Variants in AKAP9 observed in about 807,000 individuals in gnomAD.
AKAP9 encodes A-kinase anchor protein 9.
Under a neutral mutation model 488.5 loss-of-function variants are expected in AKAP9, and 311 were observed. The observed-to-expected ratio is 0.64, with a 90% CI of 0.58 to 0.70. The LOEUF is 0.70. Ranked by LOEUF, AKAP9 falls within the 30% of genes least tolerant of loss-of-function variation. The probability of loss-of-function intolerance (pLI) is 0.00; values close to 1 mark genes in which losing one functional copy is unlikely to be tolerated. For missense variants in AKAP9, 4,215 were observed against 4,374.5 expected (o/e 0.96, Z 1.03); for synonymous variants, 1,462 against 1,483.5 (o/e 0.99, Z 0.33).
chr7:91,950,048 T>C (rs1379625235), intron 1 of AKAP9, among the ~76,000 whole-genome samples: 5 of 152,164 alleles, frequency 3.3e-5, no homozygotes, highest in African/African-American at 1.2e-4. Flanking sequence ...AAAGTCCTAA[T>C]CTGTAAAGAT....
Position 91,974,031 on chromosome 7 carries a change from T to G in AKAP9, c.306+63T>G, listed in dbSNP as rs115407770. ...CGATGGAAAGTAGTCATAACAACAG[T>G]CATTAGCAACTGTGCGCAATTTGAT... On this transcript the variant is annotated intron_variant, in intron 2 of 49. Transcript: ENST00000356239. 2,966 of 1,586,862 alleles carry G rather than the reference T, an allele frequency of 1.9e-3. 45 individuals carry two copies. In the African/African-American group the frequency reaches 0.036, roughly 19 times the overall value.
intron 47 of AKAP9, 84 bp from the exon 48 acceptor site, chr7:92,107,209 T>C (rs1374087648): frequency 1.5e-6 from 2 of 1,321,096 alleles, no homozygotes; most frequent in Non-Finnish European, 1.1e-6. Flanking sequence ...TAATAGTCTT[T>C]TGAGCAGTTA....
intron 16 of AKAP9, among the ~76,000 whole-genome samples, chr7:92,032,462 C>T (rs1471876578): frequency 2.0e-5 from 3 of 148,842 alleles, no homozygotes; most frequent in African/African-American, 7.5e-5. Flanking sequence ...CACCATTGTA[C>T]TCCAGCTTGG....
Position 91,992,985 on chromosome 7 carries a change from A to G in AKAP9, c.506A>G (p.His169Arg), listed in dbSNP as rs1562947323. ...MMESELAGKQ[H>R]EIEELNRELE... ...GAAAGTGAGTTGGCTGGGAAGCAGC[A>G]TGAGATTGAAGAGCTAAACAGAGAG... The change falls in exon 5 of 50, where the codon CAT (histidine) becomes CGT (arginine). Residue 169 changes from histidine to arginine, a missense_variant. Around this residue, in one of 5 missense-constraint regions of AKAP9, gnomAD observed 2,361 missense variants for 2,430.0 expected, o/e 0.97. Transcript: ENST00000356239. 4 of 1,614,034 alleles carry G rather than the reference A, an allele frequency of 2.5e-6. No individual in the cohort carries two copies. The highest frequency in any genetic ancestry group is 1.3e-5 in the African/African-American group (1 of 74,938).
Position 92,022,369 on chromosome 7 carries a change from T to A in AKAP9, c.3952+17T>A. 6.7e-7 allele frequency: 1 copy of A among 1,495,208 alleles called. No homozygotes were observed. Among genetic ancestry groups the A allele is most frequent in the South Asian group, 1.1e-5 (1 of 88,594 alleles). 92.6% of individuals were successfully genotyped at this position (1,495,208 alleles called of 1,614,324 possible). ...AAGACATTGGTAAATTTTGATCATA[T>A]ACCACAATGTGGTGTTTTTATAGCA... On this transcript the variant is annotated intron_variant, in intron 13 of 49. Coordinates refer to ENST00000356239, the MANE Select transcript of AKAP9 (RefSeq NM_005751.5).
chr7:92,003,016 A>G lies in AKAP9; in HGVS notation c.3099A>G (p.Gly1033=), dbSNP rs948846648. 9.9e-6 allele frequency: 16 copies of G among 1,613,442 alleles called. No individual in the cohort carries two copies. The highest frequency in any genetic ancestry group is 1.4e-5 in the Non-Finnish European group (16 of 1,179,640). ...VVTMTSRGAE[G]SVSKVNKSFG... ...CCATGACAAGCAGGGGTGCTGAAGGATCAGTTTCTAAAGTAAATAAAAGTT... is the reference window on the plus strand; with the variant it reads ...CCATGACAAGCAGGGGTGCTGAAGGGTCAGTTTCTAAAGTAAATAAAAGTT... Residue 1033 remains glycine, a synonymous_variant, in exon 8 of 50, where the codon GGA becomes GGG. Coordinates refer to ENST00000356239, the MANE Select transcript of AKAP9 (RefSeq NM_005751.5).
intron 17 of AKAP9, among the ~76,000 whole-genome samples, chr7:92,039,261 A>T (rs1805665499): frequency 6.6e-6 from 1 of 152,182 alleles, no homozygotes; most frequent in Non-Finnish European, 1.5e-5. Context: ...GTGACTTAAT[A>T]TTAGTATCAA....
At chr7:92,041,191 G>GT (rs925603775) in intron 18 of AKAP9, 2 of 341,252 alleles carry the variant, frequency 5.9e-6, no homozygotes, top group African/African-American at 2.1e-5. Context: ...ACACGGTTTT[G>GT]TTTTTTTCTT....
At chr7:92,104,995 T>G (rs537950077) in intron 46 of AKAP9, among the ~76,000 whole-genome samples, 2 of 152,174 alleles carry the variant, frequency 1.3e-5, no homozygotes, top group Non-Finnish European at 2.9e-5. Flanking sequence ...GGTGTAGAAG[T>G]TGTTATTGAC....
rs776353922 is a variant in AKAP9, at chr7:92,079,749, A to G, written c.7616A>G (p.Lys2539Arg). Residue 2539 changes from lysine (K) to arginine (R), a missense_variant, in exon 31 of 50, where the codon AAG becomes AGG. By Grantham distance (26) the Lys-to-Arg change is conservative. Coordinates refer to ENST00000356239, the MANE Select transcript of AKAP9 (RefSeq NM_005751.5). The part of the protein sequence containing the change: ...GQFETEMLQK[K>R]IVNLQKIVEE... ...TTTGAAACAGAAATGCTTCAAAAGAAGATTGTAAACCTACAGAAAATAGTT... is the reference window on the plus strand; with the variant it reads ...TTTGAAACAGAAATGCTTCAAAAGAGGATTGTAAACCTACAGAAAATAGTT... 6.2e-7 allele frequency: 1 copy of G among 1,614,152 alleles called. No homozygotes were observed. Among genetic ancestry groups the G allele is most frequent in the Non-Finnish European group, 8.5e-7 (1 of 1,180,014 alleles).
chr7:92,069,944 T>C, intron 26 of AKAP9, 86 bp from the exon 27 acceptor site: 3 of 1,193,194 alleles, frequency 2.5e-6, no homozygotes, highest in South Asian at 2.7e-5. Context: ...GGATTGTAGA[T>C]ATCCAAAATG....
chr7:92,002,443 G>C lies in AKAP9; in HGVS notation c.2526G>C (p.Glu842Asp). The C allele has an allele frequency of 6.2e-7, 1 of 1,608,868 alleles. No homozygotes were observed. Among genetic ancestry groups the C allele is most frequent in the Non-Finnish European group, 8.5e-7 (1 of 1,178,634 alleles). The change falls in exon 8 of 50, where the codon GAG becomes GAC. Residue 842 changes from glutamate (E) to aspartate (D), a missense_variant. Glu to Asp is a conservative substitution (Grantham distance 45). Around this residue, in one of 5 missense-constraint regions of AKAP9, gnomAD observed 2,361 missense variants for 2,430.0 expected, o/e 0.97. Transcript: ENST00000356239. ...AACAATGTATTCAGCTAAATGAAGAGATTGAAAAGCAAAGGAACACTTTTT... is the reference window on the plus strand; with the variant it reads ...AACAATGTATTCAGCTAAATGAAGACATTGAAAAGCAAAGGAACACTTTTT... ...LKQQCIQLNE[E>D]IEKQRNTFSF...
rs758571272 is a variant in AKAP9 at position 91,980,345 on chromosome 7, T to C, written c.351+12T>C. The C allele has an allele frequency of 9.8e-6, 14 of 1,421,380 alleles. No individual in the cohort carries two copies. The highest frequency in any genetic ancestry group is 1.9e-4 in the Middle Eastern group (1 of 5,192). The allele number at this position is 1,421,380 out of a possible 1,614,324, so 88.0% of individuals were successfully genotyped here. A position where few individuals can be genotyped will look rare whatever the true frequency, so the allele number is the denominator to read the frequency against. ...ACTGCAGTTCAGAGGTAAGACTAAA[T>C]TATATTGATTTCTAATATCATAAAT... is the stretch of plus-strand genomic sequence containing the variant. On this transcript the variant is annotated intron_variant, in intron 3 of 49. Coordinates refer to ENST00000356239, the MANE Select transcript of AKAP9 (RefSeq NM_005751.5).
At chr7:92,046,162 G>C (rs1453569897) in intron 21 of AKAP9, among the ~76,000 whole-genome samples, 1 of 152,078 alleles carries the variant, frequency 6.6e-6, no homozygotes, top group South Asian at 2.1e-4. Flanking sequence ...CCATCACATT[G>C]CTGAACTCCA....
rs1806317286 is a variant in AKAP9, at chr7:92,042,708, T to A, written c.5099T>A (p.Phe1700Tyr). ...ENQGEVEEQT[F>Y]KEKELDRKPE... ...CAAGGAGAAGTTGAAGAACAAACAT[T>A]TAAAGAAAAGGAATTAGACAGAAAA... Residue 1700 changes from phenylalanine (F) to tyrosine (Y), a missense_variant, in exon 20 of 50, where the codon TTT (phenylalanine) becomes TAT (tyrosine). Transcript: ENST00000356239. 6.2e-7 allele frequency: 1 copy of A among 1,611,876 alleles called. No individual in the cohort carries two copies. The highest frequency in any genetic ancestry group is 1.3e-5 in the African/African-American group (1 of 74,856).
intron 14 of AKAP9, among the ~76,000 whole-genome samples, chr7:92,028,515 A>C (rs1803696349): frequency 6.6e-6 from 1 of 152,156 alleles, no homozygotes; most frequent in Non-Finnish European, 1.5e-5. Flanking sequence ...AGGAAAGGGC[A>C]GAGAAGAAAG....
At position 92,084,875 on chromosome 7, in the gene AKAP9, A is replaced by G. The variant is rs1941492100; in HGVS notation, c.8767A>G (p.Ile2923Val). The G allele has an allele frequency of 1.2e-6, 2 of 1,613,630 alleles. No homozygotes were observed. The highest frequency in any genetic ancestry group is 1.7e-6 in the Non-Finnish European group (2 of 1,179,724). ...IYLTHSQGFD[I>V]ASEGRGEESE... is the part of the protein sequence containing the mutation. ...TCTTACACACAGTCAGGGATTTGAC[A>G]TAGCATCAGAAGGCCGAGGAGAAGA... is the stretch of plus-strand genomic sequence containing the variant. Residue 2923 changes from isoleucine to valine, a missense_variant, in exon 35 of 50, where the codon ATA becomes GTA. By Grantham distance (29) the Ile-to-Val change is conservative. This residue lies in a region of AKAP9 where 1,476 missense variants were observed against 1,477.4 expected (regional missense o/e 1.00). Transcript: ENST00000356239.
chr7:92,054,261 A>G (rs1421033867), intron 22 of AKAP9, among the ~76,000 whole-genome samples: 1 of 152,160 alleles, frequency 6.6e-6, no homozygotes, highest in Non-Finnish European at 1.5e-5. Context: ...AATGTGTAAT[A>G]TCTTTGTGAA....
In AKAP9 at chr7:92,022,410, G is replaced by C. The variant is rs1052215302; in HGVS notation, c.3952+58G>C. 8.7e-5 allele frequency: 108 copies of C among 1,247,786 alleles called. No individual in the cohort carries two copies. In the African/African-American group the frequency reaches 1.3e-3, roughly 15 times the overall value. 77.3% of individuals were successfully genotyped at this position (1,247,786 alleles called of 1,614,324 possible). A position where few individuals can be genotyped will look rare whatever the true frequency, so the allele number is the denominator to read the frequency against. ...TTTTATAGCAAATATTGAGTAATTT[G>C]CTTTTTTACTTTAAAATGTGAGCTA... On this transcript the variant is annotated intron_variant, in intron 13 of 49. Transcript: ENST00000356239.
Sources: gnomAD v4.1 joint callset for allele counts (sites outside exome capture counted in the v4.1 genomes callset) on GRCh38, gnomAD v4.1.1 for gene constraint, gnomAD v4.1.1 regional missense constraint, MANE v1.5 for transcripts, NCBI Gene and HGNC (gene_info 2026-07-23, HGNC 2026-07-21) for gene names.